The following RANBP2 variants were observed in gnomAD, a reference collection of about 807,000 sequenced individuals.
The protein encoded by RANBP2 is RAN binding protein 2.
RANBP2 carries 57 observed loss-of-function variants against 303.6 expected under a neutral mutation model. The observed-to-expected ratio is 0.19, with a 90% confidence interval of 0.15 to 0.23. The LOEUF (loss-of-function observed/expected upper bound fraction) is 0.23, where lower values mean the gene tolerates loss of function less well. Among genes scored for constraint, RANBP2 ranks in the 10% least tolerant of loss-of-function variants. The probability of loss-of-function intolerance (pLI) is 1.00; values close to 1 mark genes in which losing one functional copy is unlikely to be tolerated. For missense variants in RANBP2, 3,138 were observed against 3,780.8 expected (o/e 0.83, Z 4.46); for synonymous variants, 1,167 against 1,301.5 (o/e 0.90, Z 2.23).
At chr2:109,560,103 G>A in the RANBP2 span, among the ~76,000 whole-genome samples, 1 of 151,888 alleles carries the variant, frequency 6.6e-6, no homozygotes, top group Non-Finnish European at 1.5e-5. Context: ...TGTATTTTTA[G>A]TAGAGATGGG....
At chr2:109,408,798 A>G in the RANBP2 span, among the ~76,000 whole-genome samples, 4 of 152,324 alleles carry the variant, frequency 2.6e-5, no homozygotes, top group East Asian at 5.8e-4. Context: ...ATGTGGATGA[A>G]TATTGTGCCT....
chr2:108,737,091 C>A (rs1489084176), intron 6 of RANBP2, among the ~76,000 whole-genome samples: 1 of 151,250 alleles, frequency 6.6e-6, no homozygotes, highest in Non-Finnish European at 1.5e-5. Context: ...GAAAGAAGTT[C>A]ATTTCACTGA....
chr2:108,929,350 G>A, the RANBP2 span: 4 of 1,614,044 alleles, frequency 2.5e-6, no homozygotes, highest in Non-Finnish European at 3.4e-6. Context: ...CGCAGCCGTA[G>A]TCCTCGTCTT....
the RANBP2 span, among the ~76,000 whole-genome samples, chr2:108,812,237 C>G: frequency 1.2e-4 from 19 of 152,082 alleles, no homozygotes; most frequent in Admixed American, 1.2e-3. Flanking sequence ...AGTATATACA[C>G]AGACACATAT....
At chr2:109,023,054 A>G in the RANBP2 span, among the ~76,000 whole-genome samples, 1 of 152,180 alleles carries the variant, frequency 6.6e-6, no homozygotes, top group African/African-American at 2.4e-5. Flanking sequence ...CCATCTCAAA[A>G]AAAAAGAAAA....
At chr2:109,614,661 G>C in the RANBP2 span, 1 of 1,480,210 alleles carries the variant, frequency 6.8e-7, no homozygotes, top group Non-Finnish European at 8.9e-7. Context: ...GCACTTCAAG[G>C]AGCTGGTGAA....
At chr2:109,237,567 G>A in the RANBP2 span, among the ~76,000 whole-genome samples, 2 of 152,080 alleles carry the variant, frequency 1.3e-5, no homozygotes, top group Admixed American at 6.5e-5. Context: ...ACACAAATTC[G>A]CAAACTTTCT....
At chr2:109,364,844 A>C in the RANBP2 span, among the ~76,000 whole-genome samples, 1 of 152,090 alleles carries the variant, frequency 6.6e-6, no homozygotes, top group Non-Finnish European at 1.5e-5. Context: ...TACTCTCAGC[A>C]CTTTGGGAGG....
the RANBP2 span, among the ~76,000 whole-genome samples, chr2:108,835,405 A>G: frequency 6.6e-6 from 1 of 152,220 alleles, no homozygotes; most frequent in Non-Finnish European, 1.5e-5. Flanking sequence ...AAGGATATTA[A>G]TCCTCTATTT....
chr2:109,269,490 T>C, the RANBP2 span, among the ~76,000 whole-genome samples: 1 of 152,186 alleles, frequency 6.6e-6, no homozygotes, highest in Non-Finnish European at 1.5e-5. Flanking sequence ...GCTTAAAAGA[T>C]AGTTGCCAAG....
chr2:108,825,625 T>C, the RANBP2 span, among the ~76,000 whole-genome samples: 9 of 152,212 alleles, frequency 5.9e-5, no homozygotes, highest in Non-Finnish European at 1.2e-4. Flanking sequence ...TGTTGTCACA[T>C]GTGTCAATAC....
At chr2:109,398,797 C>T in the RANBP2 span, 2 of 1,613,848 alleles carry the variant, frequency 1.2e-6, no homozygotes, top group Non-Finnish European at 1.7e-6. Flanking sequence ...CTTCACCGCG[C>T]TCAGTGTGAC....
the RANBP2 span, among the ~76,000 whole-genome samples, chr2:109,211,143 T>A: frequency 1.3e-5 from 2 of 152,130 alleles, no homozygotes; most frequent in Admixed American, 6.5e-5. Context: ...ACTTGCAGAA[T>A]TAAGCACAAT....
chr2:109,435,897 A>AG, the RANBP2 span, among the ~76,000 whole-genome samples: 1 of 152,174 alleles, frequency 6.6e-6, no homozygotes, highest in Non-Finnish European at 1.5e-5. Flanking sequence ...CACAGCTCTG[A>AG]GGGCTGGGGA....
chr2:109,663,791 T>A, the RANBP2 span, among the ~76,000 whole-genome samples: 1 of 152,196 alleles, frequency 6.6e-6, no homozygotes, highest in East Asian at 1.9e-4. Context: ...GAACAGCCTC[T>A]GTGTTTGAGG....
At chr2:108,951,786 AC>A in the RANBP2 span, among the ~76,000 whole-genome samples, 1 of 152,184 alleles carries the variant, frequency 6.6e-6, no homozygotes, top group Non-Finnish European at 1.5e-5. Context: ...GCTCTTGGCA[AC>A]ACTATATCAG....
the RANBP2 span, among the ~76,000 whole-genome samples, chr2:108,853,985 TATATAATAAATTTATATTATATATA>T: frequency 9.5e-5 from 1 of 10,558 alleles, no homozygotes; most frequent in Non-Finnish European, 3.4e-4. Flanking sequence ...TAATATATAA[TATATAATAAATTTATATTATATATA>T]ATATATAATA....
chr2:109,164,072 C>T, the RANBP2 span, among the ~76,000 whole-genome samples: 55 of 152,278 alleles, frequency 3.6e-4, no homozygotes, highest in African/African-American at 1.3e-3. Flanking sequence ...AGGTGAACCC[C>T]ACTGGCTGTG....
Position 108,767,846 on chromosome 2 carries a change from T to G in RANBP2, c.7307T>G (p.Phe2436Cys). ...GTTGCAGACTCGTTTAAGAAAATTT[T>G]TGATGAAGCAAAAACAGCCCAGGAA... The part of the protein sequence containing the change: ...QDVADSFKKI[F>C]DEAKTAQEKD... The change falls in exon 20 of 29, where the codon TTT becomes TGT. Residue 2436 changes from phenylalanine (F) to cysteine (C), a missense_variant. Phe to Cys is a radical substitution (Grantham distance 205, BLOSUM62 -2). This residue lies in a region of RANBP2 where 92 missense variants were observed against 211.0 expected (regional missense o/e 0.44). Transcript: ENST00000283195. 6.2e-7 allele frequency: 1 copy of G among 1,610,194 alleles called. No homozygotes were observed.
Sources: gnomAD v4.1 joint callset for allele counts (sites outside exome capture counted in the v4.1 genomes callset) on GRCh38, gnomAD v4.1.1 for gene constraint, gnomAD v4.1.1 regional missense constraint, MANE v1.5 for transcripts, NCBI Gene and HGNC (gene_info 2026-07-23, HGNC 2026-07-21) for gene names.